The following MTFR1 variants were observed in gnomAD, a reference collection of about 807,000 sequenced individuals.
MTFR1 encodes chondrocyte protein with a poly-proline region.
Under a neutral mutation model 38.8 loss-of-function variants are expected in MTFR1, and 28 were observed. That is an observed-to-expected ratio of 0.72 (90% CI 0.53 to 0.99). The LOEUF (loss-of-function observed/expected upper bound fraction) is 0.99. MTFR1 is among the 50% of genes least tolerant of loss of function. The pLI is 0.00. For missense variants in MTFR1, 358 were observed against 395.5 expected, an observed-to-expected ratio of 0.91 and a Z score of 0.81; for synonymous variants, 145 against 137.0, an observed-to-expected ratio of 1.06 and a Z score of -0.41.
Position 65,707,080 on chromosome 8 carries a change from C to T in MTFR1, c.588C>T (p.Pro196=). Residue 196 remains proline (P), a synonymous_variant, in exon 6 of 8, where the codon CCC becomes CCT. Coordinates refer to ENST00000262146, the MANE Select transcript of MTFR1 (RefSeq NM_014637.4). ...CACCTCCCCCACCGCCCCTGCCTCCCCCTGCACTGGGGCTCCACCAAAGTA... is the reference window on the plus strand; with the variant it reads ...CACCTCCCCCACCGCCCCTGCCTCCTCCTGCACTGGGGCTCCACCAAAGTA... The part of the protein sequence containing the change: ...HPPPPPPPLP[P]PALGLHQSTS... The T allele has an allele frequency of 1.2e-6, 2 of 1,613,446 alleles. No homozygotes were observed.
intron 6 of MTFR1, 104 bp from the exon 7 acceptor site, chr8:65,707,739 T>C: frequency 7.2e-7 from 1 of 1,393,316 alleles, no homozygotes; most frequent in Non-Finnish European, 9.7e-7. Context: ...ATGGAGTAGC[T>C]ATGATGCTGG....
intron 1 of MTFR1, among the ~76,000 whole-genome samples, chr8:65,667,271 C>T (rs1217520293): frequency 3.5e-5 from 5 of 142,294 alleles, no homozygotes; most frequent in East Asian, 2.0e-4. Context: ...AGTGAAACTC[C>T]GTCTCAAAAA....
In MTFR1 at chr8:65,731,843, C is replaced by T. The variant is rs181665403; in HGVS notation, c.*48+12362C>T. Among the ~76,000 whole-genome samples, 716 of 152,146 alleles carry T rather than the reference C, an allele frequency of 4.7e-3. 5 individuals carry two copies. Among genetic ancestry groups the T allele is most frequent in the African/African-American group, 0.016 (680 of 41,508 alleles). Reference sequence around the variant, plus strand: ...AAATATATATACTTAAGTCTATTTACTATTCCCTCTGTACTTGGACTTTCT... The same window carrying T: ...AAATATATATACTTAAGTCTATTTATTATTCCCTCTGTACTTGGACTTTCT... On this transcript the variant is annotated intron_variant, in intron 3 of 3. Transcript: ENST00000521247.
At chr8:65,696,849 C>T (rs1410606764) in intron 4 of MTFR1, among the ~76,000 whole-genome samples, 2 of 151,478 alleles carry the variant, frequency 1.3e-5, no homozygotes, top group African/African-American at 2.4e-5. Context: ...TTAGTGGATA[C>T]GGGATTTCAC....
chr8:65,770,320 T>C (rs1005406446), intron 3 of MTFR1, among the ~76,000 whole-genome samples: 1 of 152,232 alleles, frequency 6.6e-6, no homozygotes, highest in Non-Finnish European at 1.5e-5. Flanking sequence ...CACAGTTCCA[T>C]GTGGCTGGGG....
intron 5 of MTFR1, among the ~76,000 whole-genome samples, chr8:65,705,526 A>G (rs922892949): frequency 3.3e-5 from 5 of 152,160 alleles, no homozygotes; most frequent in Admixed American, 6.5e-5. Flanking sequence ...CTAATGGGAA[A>G]CTTAGTTGTC....
At chr8:65,688,451 CT>C (rs199865141) in intron 3 of MTFR1, among the ~76,000 whole-genome samples, 93 of 130,448 alleles carry the variant, frequency 7.1e-4, no homozygotes, top group Non-Finnish European at 7.4e-4. Context: ...TTTTTCTTTT[CT>C]TTTTTTTTTT....
intron 1 of MTFR1, among the ~76,000 whole-genome samples, chr8:65,662,008 CCTCT>C (rs1201162054): frequency 2.8e-5 from 4 of 143,862 alleles, no homozygotes; most frequent in African/African-American, 1.0e-4. Flanking sequence ...TCTCCCTCTC[CCTCT>C]CTCTCTCCCT....
intron 3 of MTFR1, among the ~76,000 whole-genome samples, chr8:65,687,950 A>G (rs1414710838): frequency 2.0e-5 from 3 of 151,832 alleles, no homozygotes; most frequent in African/African-American, 7.3e-5. Flanking sequence ...AAATACAAAA[A>G]TTACCTGGGT....
chr8:65,722,265 T>C (rs1044213898), intron 3 of MTFR1: 4 of 152,164 alleles, frequency 2.6e-5, no homozygotes, highest in African/African-American at 9.7e-5. Flanking sequence ...TCCCTCACAC[T>C]CCTAAAGTCT....
chr8:65,756,307 A>C (rs1355058233), intron 3 of MTFR1, among the ~76,000 whole-genome samples: 1 of 152,214 alleles, frequency 6.6e-6, no homozygotes, highest in Admixed American at 6.5e-5. Context: ...TGTCTTCATC[A>C]GATTTGGGAA....
rs1354361132 is a variant in MTFR1 at position 65,695,523 on chromosome 8, AT to A, written c.281+1769del. Among the ~76,000 whole-genome samples, 4 of 151,926 alleles carry A rather than the reference AT, an allele frequency of 2.6e-5. No homozygotes were observed. In the East Asian group the frequency reaches 7.8e-4, roughly 29 times the overall value. On this transcript the variant is annotated intron_variant, in intron 4 of 7. Coordinates refer to ENST00000262146, the MANE Select transcript of MTFR1 (RefSeq NM_014637.4). ...AGGTGGCTGCCATGATGCCCAGCTG[AT>A]TTTTGTATTTTTAGTAGAGACGGGG...
chr8:65,763,743 A>T (rs2128915967), intron 3 of MTFR1, among the ~76,000 whole-genome samples: 1 of 152,348 alleles, frequency 6.6e-6, no homozygotes, highest in South Asian at 2.1e-4. Context: ...AGAAAGAAAG[A>T]TGAAAAGCAA....
chr8:65,715,757 G>A (rs1297975034), intron 2 of MTFR1, among the ~76,000 whole-genome samples: 71 of 148,426 alleles, frequency 4.8e-4, no homozygotes, highest in Admixed American at 7.3e-4. Context: ...AGGCCGAGGC[G>A]GGCGGATCAC....
chr8:65,756,508 TC>T (rs748454687), intron 3 of MTFR1, among the ~76,000 whole-genome samples: 2 of 152,104 alleles, frequency 1.3e-5, no homozygotes, highest in Non-Finnish European at 2.9e-5. Context: ...GATCCTTACT[TC>T]CCCCTGCTCA....
intron 2 of MTFR1, among the ~76,000 whole-genome samples, chr8:65,678,499 T>G (rs1426837388): frequency 6.6e-6 from 1 of 152,224 alleles, no homozygotes; most frequent in African/African-American, 2.4e-5. Flanking sequence ...ACACATTATG[T>G]TAGTCTACTG....
chr8:65,647,376 G>A (rs1563429066), intron 1 of MTFR1, among the ~76,000 whole-genome samples: 1 of 152,128 alleles, frequency 6.6e-6, no homozygotes, highest in Non-Finnish European at 1.5e-5. Context: ...GCAGTGGTGT[G>A]ATCTCTGCTC....
chr8:65,664,888 C>A (rs1389860021), intron 1 of MTFR1, among the ~76,000 whole-genome samples: 1 of 147,670 alleles, frequency 6.8e-6, no homozygotes, highest in Non-Finnish European at 1.5e-5. Context: ...GTGCCCCAGC[C>A]AAAGAAATAT....
At chr8:65,715,403 A>T (rs1473269091), downstream of MTFR1, among the ~76,000 whole-genome samples, 2 of 149,670 alleles carry the variant, frequency 1.3e-5, no homozygotes, top group Non-Finnish European at 3.0e-5. Flanking sequence ...TTTGAGACAG[A>T]GTCTTGCTCT....
Sources: allele counts gnomAD v4.1 joint callset (sites outside exome capture counted in the v4.1 genomes callset), GRCh38; gene constraint gnomAD v4.1.1; transcripts MANE v1.5; gene names NCBI Gene and HGNC (gene_info 2026-07-23, HGNC 2026-07-21).